MPPED2: variants seen among roughly 807,000 people sequenced by gnomAD.
MPPED2 encodes the protein metallophosphoesterase MPPED2.
MPPED2 carries 5 observed loss-of-function variants against 33.0 expected under a neutral mutation model. The observed-to-expected ratio is 0.15, with a 90% CI of 0.08 to 0.32. The LOEUF is 0.32. Among genes scored for constraint, MPPED2 ranks in the 10% least tolerant of loss-of-function variants. MPPED2 has a pLI of 1.00. For missense variants in MPPED2, 275 were observed against 372.1 expected, an observed-to-expected ratio of 0.74 and a Z score of 2.15; for synonymous variants, 136 against 141.9, an observed-to-expected ratio of 0.96 and a Z score of 0.29.
intron 2 of MPPED2, among the ~76,000 whole-genome samples, chr11:30,549,056 C>CA (rs1379514280): frequency 1.4e-5 from 2 of 146,590 alleles, no homozygotes; most frequent in Non-Finnish European, 2.9e-5. Flanking sequence ...TTATAAGCAA[C>CA]AAAAAAATAT....
intron 2 of MPPED2, among the ~76,000 whole-genome samples, chr11:30,552,579 T>G (rs1955766748): frequency 6.6e-6 from 1 of 152,176 alleles, no homozygotes; most frequent in African/African-American, 2.4e-5. Context: ...TTCTCTTTCT[T>G]TCTGTTTTTG....
intron 6 of MPPED2, among the ~76,000 whole-genome samples, chr11:30,397,493 T>TTTGTA (rs1947853184): frequency 6.6e-6 from 1 of 152,164 alleles, no homozygotes; most frequent in Non-Finnish European, 1.5e-5. Context: ...TAACATTGAC[T>TTTGTA]TAACTGTTTC....
chr11:30,441,040 A>G (rs948919174), intron 4 of MPPED2, among the ~76,000 whole-genome samples: 9 of 152,204 alleles, frequency 5.9e-5, no homozygotes, highest in Non-Finnish European at 1.3e-4. Context: ...GGACAGAGTG[A>G]GCAGCAAATC....
At chr11:30,388,737 C>T in exon 7 of MPPED2, 2 of 1,052,016 alleles carry the variant, frequency 1.9e-6, no homozygotes, top group Admixed American at 6.6e-5. Context: ...CTGTCGCCTC[C>T]TCCTCATGCC....
exon 7 of MPPED2, chr11:30,384,649 A>C (rs1947682602): frequency 6.6e-6 from 1 of 151,624 alleles, no homozygotes; most frequent in African/African-American, 2.4e-5. Context: ...TTTAGTAGAG[A>C]CGGGGTTTCA....
intron 3 of MPPED2, among the ~76,000 whole-genome samples, chr11:30,522,043 T>C (rs541207652): frequency 5.9e-5 from 9 of 152,330 alleles, no homozygotes; most frequent in Admixed American, 3.3e-4. Flanking sequence ...CCTAATTTCA[T>C]AGGACCAAGT....
chr11:30,419,153 T>C (rs551192856), intron 4 of MPPED2, among the ~76,000 whole-genome samples: 27 of 152,316 alleles, frequency 1.8e-4, no homozygotes, highest in Admixed American at 1.0e-3. Flanking sequence ...CAAGGTACTA[T>C]TCTAAGCCCT....
intron 2 of MPPED2, among the ~76,000 whole-genome samples, chr11:30,562,881 G>T (rs1045347566): frequency 6.6e-6 from 1 of 152,040 alleles, no homozygotes; most frequent in Admixed American, 6.6e-5. Context: ...ATTTATTTCA[G>T]ATGCATTTGA....
At chr11:30,486,810 C>T (rs558884621) in intron 4 of MPPED2, among the ~76,000 whole-genome samples, 1 of 152,284 alleles carries the variant, frequency 6.6e-6, no homozygotes, top group East Asian at 1.9e-4. Context: ...TATTAAAGCC[C>T]ATGGACATCA....
chr11:30,437,594 G>A (rs1949379105), intron 4 of MPPED2, among the ~76,000 whole-genome samples: 1 of 152,146 alleles, frequency 6.6e-6, no homozygotes, highest in African/African-American at 2.4e-5. Context: ...CTGAATACTA[G>A]CCTAAATCTA....
In MPPED2 at chr11:30,529,758, G is replaced by T. The variant is rs147746526; in HGVS notation, c.310+6236C>A. Reference sequence around the variant, plus strand: ...CTTTGGGCCAATAGCAGGATCACTAGAAAGGGAATATAGTCTTCTGAGAGA... The same window carrying T: ...CTTTGGGCCAATAGCAGGATCACTATAAAGGGAATATAGTCTTCTGAGAGA... On this transcript the variant is annotated intron_variant, in intron 3 of 6. Coordinates refer to ENST00000358117, the MANE Select transcript of MPPED2 (RefSeq NM_001584.3). Among the ~76,000 whole-genome samples the T allele has an allele frequency of 3.8e-3, 586 of 152,280 alleles. 3 individuals carry two copies. Among genetic ancestry groups the T allele is most frequent in the African/African-American group, 0.011 (461 of 41,542 alleles).
intron 4 of MPPED2, among the ~76,000 whole-genome samples, chr11:30,449,302 C>G (rs1165023958): frequency 6.6e-6 from 1 of 152,168 alleles, no homozygotes; most frequent in African/African-American, 2.4e-5. Context: ...ATGCCACCCC[C>G]AACTATGCCG....
chr11:30,547,652 A>T (rs1955494024), intron 2 of MPPED2, among the ~76,000 whole-genome samples: 1 of 152,204 alleles, frequency 6.6e-6, no homozygotes, highest in Non-Finnish European at 1.5e-5. Flanking sequence ...CAAATAAATT[A>T]TGTCCAGTGG....
intron 2 of MPPED2, among the ~76,000 whole-genome samples, chr11:30,540,114 G>A (rs2134519563): frequency 6.6e-6 from 1 of 152,342 alleles, no homozygotes; most frequent in Middle Eastern, 3.4e-3. Flanking sequence ...TTTTAGGTCA[G>A]TCATTGGCTT....
intron 6 of MPPED2, among the ~76,000 whole-genome samples, chr11:30,396,253 C>T (rs890506589): frequency 4.6e-5 from 7 of 152,152 alleles, no homozygotes; most frequent in Non-Finnish European, 8.8e-5. Flanking sequence ...CTTGACCCCT[C>T]AGAAGCCTTT....
At chr11:30,579,116 T>G (rs751850212) in intron 2 of MPPED2, among the ~76,000 whole-genome samples, 1 of 151,306 alleles carries the variant, frequency 6.6e-6, no homozygotes, top group Non-Finnish European at 1.5e-5. Context: ...AGCAACATCC[T>G]AGTATTTACA....
intron 6 of MPPED2, 49 bp downstream of exon 6, chr11:30,414,179 T>A (rs746745476): frequency 7.8e-7 from 1 of 1,284,946 alleles, no homozygotes; most frequent in East Asian, 2.3e-5. Context: ...TAGACTGAGA[T>A]AGTGGACAGG....
chr11:30,489,770 C>T (rs1000239800), intron 4 of MPPED2, among the ~76,000 whole-genome samples: 2 of 152,196 alleles, frequency 1.3e-5, no homozygotes, highest in African/African-American at 4.8e-5. Context: ...TTAAAAGCCA[C>T]GGGAGACCAG....
chr11:30,456,923 A>G (rs11031095), intron 4 of MPPED2, among the ~76,000 whole-genome samples: 34,585 of 152,102 alleles, frequency 0.23, 6,263 homozygotes, highest in African/African-American at 0.51. Context: ...TGGAATGACA[A>G]ATACTTCACA....
Sources: allele counts gnomAD v4.1 joint callset (sites outside exome capture counted in the v4.1 genomes callset), GRCh38; gene constraint gnomAD v4.1.1; transcripts MANE v1.5; gene names NCBI Gene and HGNC (gene_info 2026-07-23, HGNC 2026-07-21).